The following GRK7 variants were observed in gnomAD, a reference collection of about 807,000 sequenced individuals.
The protein encoded by GRK7 is rhodopsin kinase GRK7.
Under a neutral mutation model 34.1 loss-of-function variants are expected in GRK7, and 24 were observed. The ratio of observed to expected loss-of-function variants is 0.70; its 90% CI spans 0.51 to 0.99. The LOEUF (loss-of-function observed/expected upper bound fraction) is 0.99. Among genes scored for constraint, GRK7 ranks in the 50% least tolerant of loss-of-function variants. The pLI is 0.00. For synonymous variants in GRK7, 256 were observed against 279.4 expected, an observed-to-expected ratio of 0.92 and a Z score of 0.84; for missense variants, 644 against 707.3, an observed-to-expected ratio of 0.91 and a Z score of 1.02.
intron 1 of GRK7, among the ~76,000 whole-genome samples, chr3:141,770,994 C>CAAAAAA (rs55988355): frequency 5.9e-5 from 5 of 84,748 alleles, no homozygotes; most frequent in Non-Finnish European, 9.3e-5. Flanking sequence ...TACCCAGTCT[C>CAAAAAA]AAAAAAAAAA....
intron 2 of GRK7, among the ~76,000 whole-genome samples, chr3:141,776,236 G>A (rs985214767): frequency 1.3e-5 from 2 of 151,988 alleles, no homozygotes; most frequent in Admixed American, 6.6e-5. Context: ...GCAGTGAGCC[G>A]AGATCACGCC....
intron 3 of GRK7, among the ~76,000 whole-genome samples, chr3:141,779,979 C>A (rs2084663335): frequency 6.6e-6 from 1 of 152,186 alleles, no homozygotes; most frequent in Non-Finnish European, 1.5e-5. Flanking sequence ...GCTATTCATG[C>A]ACAAGTATTT....
chr3:141,800,786 C>T (rs181775149), intron 4 of GRK7, among the ~76,000 whole-genome samples: 6 of 152,140 alleles, frequency 3.9e-5, no homozygotes, highest in East Asian at 3.9e-4. Context: ...TGAGAAGTGG[C>T]GAGGACTGAC....
intron 5 of GRK7, among the ~76,000 whole-genome samples, chr3:141,813,637 GA>G (rs1287243333): frequency 1.3e-5 from 2 of 152,190 alleles, no homozygotes; most frequent in Non-Finnish European, 2.9e-5. Context: ...TACACAGTGG[GA>G]AAAGTCCAAG....
intron 5 of GRK7, among the ~76,000 whole-genome samples, chr3:141,816,120 G>C (rs1291662870): frequency 6.6e-6 from 1 of 152,190 alleles, no homozygotes; most frequent in Non-Finnish European, 1.5e-5. Context: ...CTAGCATAGA[G>C]ATGGAGGGTT....
intron 5 of GRK7, among the ~76,000 whole-genome samples, chr3:141,814,398 C>G (rs760308116): frequency 6.6e-6 from 1 of 152,034 alleles, no homozygotes; most frequent in Non-Finnish European, 1.5e-5. Flanking sequence ...TCTAGTAGTC[C>G]CCTGTGTCTG....
At chr3:141,766,379 G>T (rs2084581049) in intron 1 of GRK7, among the ~76,000 whole-genome samples, 1 of 152,070 alleles carries the variant, frequency 6.6e-6, no homozygotes, top group South Asian at 2.1e-4. Context: ...TAGCCAGGAT[G>T]GTCTCGATCT....
At chr3:141,807,541 A>G (rs1391212907) in intron 4 of GRK7, 104 bp from the exon 5 acceptor site, 1 of 1,015,234 alleles carries the variant, frequency 9.8e-7, no homozygotes, top group African/African-American at 1.6e-5. Context: ...TCAACAAGGG[A>G]AGAAAAGGAG....
the GRK7 span, among the ~76,000 whole-genome samples, chr3:141,752,198 T>C: frequency 0.01 from 1,589 of 152,356 alleles, 41 homozygotes; most frequent in African/African-American, 0.034. Flanking sequence ...TCTTTAGGTT[T>C]TGTAAGAATT....
intron 4 of GRK7, among the ~76,000 whole-genome samples, chr3:141,785,740 G>A (rs2084692903): frequency 7.3e-5 from 11 of 150,492 alleles, no homozygotes; most frequent in Admixed American, 6.6e-4. Flanking sequence ...CTCCAGCCTG[G>A]ATGAAAGAGA....
intron 5 of GRK7, among the ~76,000 whole-genome samples, chr3:141,814,225 T>TAAA (rs11448308): frequency 2.0e-5 from 3 of 151,854 alleles, no homozygotes; most frequent in African/African-American, 7.2e-5. Context: ...GACATTTCTT[T>TAAA]AAAAAAAAAT....
chr3:141,814,688 T>C (rs898593716), intron 5 of GRK7, among the ~76,000 whole-genome samples: 1 of 152,150 alleles, frequency 6.6e-6, no homozygotes, highest in Non-Finnish European at 1.5e-5. Context: ...GATGAACATA[T>C]GAGTGTATGT....
intron 4 of GRK7, among the ~76,000 whole-genome samples, chr3:141,799,973 G>C (rs556082366): frequency 6.6e-6 from 1 of 152,284 alleles, no homozygotes; most frequent in African/African-American, 2.4e-5. Flanking sequence ...TTTGAAATGT[G>C]CTCATTGGAC....
rs1272765286 is a variant in GRK7 at position 141,816,923 on chromosome 3, C to T, written c.1535C>T (p.Ala512Val). ...TTCTTCAAAAACTTTGCGACAGGTG[C>T]TGTTCCTATAGCATGGCAGGAAGAA... is the stretch of plus-strand genomic sequence containing the variant. ...KQFFKNFATG[A>V]VPIAWQEEII... Residue 512 changes from alanine (A) to valine (V), a missense_variant, in exon 6 of 6, where the codon GCT becomes GTT. Transcript: ENST00000682958. 3.1e-6 allele frequency: 5 copies of T among 1,614,112 alleles called. No homozygotes were observed. Among genetic ancestry groups the T allele is most frequent in the Non-Finnish European group, 3.4e-6 (4 of 1,179,986 alleles).
rs1710977952 is a variant in GRK7, at chr3:141,802,334, A to G, written c.1051-5311A>G. 4.0e-5 allele frequency among the ~76,000 whole-genome samples: 6 copies of G among 149,132 alleles called. No individual in the cohort carries two copies. The South Asian group carries it at 1.3e-3, about 32-fold the overall frequency. ...AACCACTGCACTTCCAACCTGGGTG[A>G]CAGACTGAAACTCTCTTTCTCTCTT... On this transcript the variant is annotated intron_variant, in intron 4 of 5. Coordinates refer to ENST00000682958, the MANE Select transcript of GRK7 (RefSeq NM_139209.3).
intron 4 of GRK7, among the ~76,000 whole-genome samples, chr3:141,807,433 G>A (rs911944631): frequency 3.3e-5 from 5 of 152,076 alleles, no homozygotes; most frequent in African/African-American, 1.2e-4. Flanking sequence ...TGGCCAAAAC[G>A]GGTCGCATGG....
rs74898879 is a variant in GRK7 at position 141,798,864 on chromosome 3, G to A, written c.1051-8781G>A. Reference sequence around the variant, plus strand: ...AGGTGGTGCCCTTCAAAGCTCCATGGCTGACATTTTCTGTCTTTAGGACCA... The same window carrying A: ...AGGTGGTGCCCTTCAAAGCTCCATGACTGACATTTTCTGTCTTTAGGACCA... On this transcript the variant is annotated intron_variant, in intron 4 of 5. Transcript: ENST00000682958. Among the ~76,000 whole-genome samples, 713 of 152,328 alleles carry A rather than the reference G, an allele frequency of 4.7e-3. 5 individuals carry two copies. The highest frequency in any genetic ancestry group is 0.017 in the African/African-American group (691 of 41,574).
At chr3:141,797,391 G>T (rs187966663) in intron 4 of GRK7, among the ~76,000 whole-genome samples, 1 of 152,178 alleles carries the variant, frequency 6.6e-6, no homozygotes, top group African/African-American at 2.4e-5. Flanking sequence ...TCCCAGGGCC[G>T]CATTCCTCCG....
intron 4 of GRK7, among the ~76,000 whole-genome samples, chr3:141,786,817 A>T (rs1421513515): frequency 6.6e-6 from 1 of 151,972 alleles, no homozygotes; most frequent in Non-Finnish European, 1.5e-5. Context: ...CTTTGAATTC[A>T]TCAAAAGAGA....
Sources: allele counts gnomAD v4.1 joint callset (sites outside exome capture counted in the v4.1 genomes callset), GRCh38; gene constraint gnomAD v4.1.1; transcripts MANE v1.5; gene names NCBI Gene and HGNC (gene_info 2026-07-23, HGNC 2026-07-21).